Variants in RXRA observed in about 807,000 individuals in gnomAD.
RXRA encodes retinoid X receptor alpha, also known as retinoic acid receptor RXR-alpha.
Under a neutral mutation model 44.5 loss-of-function variants are expected in RXRA, and 5 were observed. The ratio of observed to expected loss-of-function variants is 0.11; its 90% CI spans 0.06 to 0.24. RXRA has a LOEUF of 0.24. RXRA is among the 10% of genes least tolerant of loss of function. The pLI is 1.00. For synonymous variants in RXRA, 291 were observed against 271.4 expected (o/e 1.07, Z -0.71); for missense variants, 412 against 646.5 (o/e 0.64, Z 3.93).
chr9:134,355,251 A>G (rs568823881), intron 1 of RXRA, among the ~76,000 whole-genome samples: 1 of 152,172 alleles, frequency 6.6e-6, no homozygotes, highest in African/African-American at 2.4e-5. Flanking sequence ...AGAAGTACCT[A>G]GTGTGCCTGG....
chr9:134,366,564 G>A lies in RXRA; in HGVS notation c.29-35068G>A, dbSNP rs1830417501. Among the ~76,000 whole-genome samples, 1 of 152,166 alleles carries A rather than the reference G, an allele frequency of 6.6e-6. No individual in the cohort carries two copies. Among genetic ancestry groups the A allele is most frequent in the Non-Finnish European group, 1.5e-5 (1 of 68,024 alleles). On this transcript the variant is annotated intron_variant, in intron 1 of 9. Transcript: ENST00000481739. The surrounding 1 kb of genome is among the most constrained non-coding windows in gnomAD (Gnocchi z 5.9). ...TCCAGGTCCCCCGGGTGCTGGCCTG[G>A]GGACAGCACCACAGGGCCCAGCCAG...
chr9:134,423,539 C>T, intron 6 of RXRA: 8 of 985,306 alleles, frequency 8.1e-6, no homozygotes, highest in Non-Finnish European at 9.6e-6. Context: ...CCGTCGCCAC[C>T]CTCCTGGAAG....
rs541658249 is a variant in RXRA at position 134,338,094 on chromosome 9, A to G, written c.28+11435A>G. Among the ~76,000 whole-genome samples the G allele has an allele frequency of 2.6e-5, 4 of 152,282 alleles. No homozygotes were observed. In the East Asian group the frequency reaches 7.7e-4, roughly 29 times the overall value. On this transcript the variant is annotated intron_variant, in intron 1 of 9. Transcript: ENST00000481739. Reference sequence around the variant, plus strand: ...GGCAGCCACAGACGACGTAGGGCTCAGGAAGGGCATGGAGGGAAACGCTGG... The same window carrying G: ...GGCAGCCACAGACGACGTAGGGCTCGGGAAGGGCATGGAGGGAAACGCTGG...
At chr9:134,361,028 C>T (rs573398093) in intron 1 of RXRA, among the ~76,000 whole-genome samples, 14 of 152,340 alleles carry the variant, frequency 9.2e-5, no homozygotes, top group African/African-American at 2.4e-4. Context: ...CCTCGGAGCC[C>T]GGATGTGGCG....
In RXRA at chr9:134,407,513, C is replaced by G. The variant is rs114041263; in HGVS notation, c.280-636C>G. On this transcript the variant is annotated intron_variant, in intron 2 of 9. Coordinates refer to ENST00000481739, the MANE Select transcript of RXRA (RefSeq NM_002957.6). The surrounding 1 kb of genome is among the most constrained non-coding windows in gnomAD (Gnocchi z 4.8). ...ACCGGGTGAGTTTCCCACGCTTGCC[C>G]GGGCGGCAGCGTGCGGGCCGGCGGG... 1.3e-5 allele frequency among the ~76,000 whole-genome samples: 2 copies of G among 152,172 alleles called. No individual in the cohort carries two copies. Among genetic ancestry groups the G allele is most frequent in the Non-Finnish European group, 2.9e-5 (2 of 68,028 alleles).
At chr9:134,419,003 C>T (rs1446706353) in intron 5 of RXRA, among the ~76,000 whole-genome samples, 3 of 152,238 alleles carry the variant, frequency 2.0e-5, no homozygotes, top group African/African-American at 7.2e-5. Flanking sequence ...CCCCCACGTC[C>T]CCGGCTCTGC....
At chr9:134,381,545 A>G (rs1011314488) in intron 1 of RXRA, among the ~76,000 whole-genome samples, 1 of 150,938 alleles carries the variant, frequency 6.6e-6, no homozygotes, top group Non-Finnish European at 1.5e-5. Flanking sequence ...GCTGGTGGAG[A>G]TGGTGGGGGC....
At chr9:134,333,453 G>A (rs1320360862) in intron 1 of RXRA, among the ~76,000 whole-genome samples, 1 of 152,168 alleles carries the variant, frequency 6.6e-6, no homozygotes, top group Non-Finnish European at 1.5e-5. Flanking sequence ...CAGGGCTGGG[G>A]GTGATGGGTG....
intron 2 of RXRA, chr9:134,405,232 G>A (rs1260777716): frequency 3.9e-5 from 6 of 152,318 alleles, no homozygotes; most frequent in African/African-American, 1.4e-4. Flanking sequence ...TCCCCATCCT[G>A]GCACAGCCTT....
At chr9:134,402,174 T>C in intron 2 of RXRA, 1 of 477,834 alleles carries the variant, frequency 2.1e-6, no homozygotes, top group East Asian at 3.7e-5. Context: ...CCTGTTCCCA[T>C]GACTGGGGGA....
At chr9:134,337,356 C>T (rs1830023823) in intron 1 of RXRA, among the ~76,000 whole-genome samples, 1 of 152,212 alleles carries the variant, frequency 6.6e-6, no homozygotes, top group Admixed American at 6.5e-5. Context: ...CAGGCTCCTC[C>T]TGGCCACTAG....
intron 1 of RXRA, among the ~76,000 whole-genome samples, chr9:134,385,916 C>A (rs556355532): frequency 9.2e-5 from 14 of 152,380 alleles, no homozygotes; most frequent in African/African-American, 3.4e-4. Context: ...TCTGCCCAGG[C>A]CCCTGCTGGG....
chr9:134,420,318 G>C (rs1466139003), intron 5 of RXRA, among the ~76,000 whole-genome samples: 1 of 152,250 alleles, frequency 6.6e-6, no homozygotes, highest in Non-Finnish European at 1.5e-5. Flanking sequence ...GCAGGCCTGG[G>C]GGGCGCTGTG....
chr9:134,385,553 T>A (rs1235456522), intron 1 of RXRA, among the ~76,000 whole-genome samples: 1 of 152,146 alleles, frequency 6.6e-6, no homozygotes, highest in Admixed American at 6.5e-5. Context: ...GGATCCGTAA[T>A]GCTGGCCTCT....
At chr9:134,371,370 G>T (rs1287366229) in intron 1 of RXRA, among the ~76,000 whole-genome samples, 1 of 152,240 alleles carries the variant, frequency 6.6e-6, no homozygotes, top group Non-Finnish European at 1.5e-5. Context: ...GGCCCCCCTG[G>T]TGTTCATTCA....
intron 6 of RXRA, chr9:134,423,143 GAC>G (rs1831376073): frequency 1.0e-6 from 1 of 985,372 alleles, no homozygotes; most frequent in Non-Finnish European, 1.2e-6. Flanking sequence ...GGGGCGTGCT[GAC>G]TGGGGCTGGT....
At chr9:134,334,248 T>C (rs3818740) in intron 1 of RXRA, among the ~76,000 whole-genome samples, 58,472 of 152,230 alleles carry the variant, frequency 0.38, 12,695 homozygotes, top group African/African-American at 0.59. Context: ...GAGGGCATCC[T>C]TGCAGCACCC....
intron 1 of RXRA, chr9:134,379,707 G>T (rs1400783759): frequency 1.0e-6 from 1 of 985,292 alleles, no homozygotes; most frequent in Non-Finnish European, 1.2e-6. Flanking sequence ...GAGAAAACCT[G>T]AGGCCCAGCC....
At chr9:134,352,112 G>T (rs192959890) in intron 1 of RXRA, among the ~76,000 whole-genome samples, 1 of 152,168 alleles carries the variant, frequency 6.6e-6, no homozygotes, top group Non-Finnish European at 1.5e-5. Context: ...AGGCAGAGTC[G>T]GGCTGGGGTG....
Sources: gnomAD v4.1 joint callset for allele counts (sites outside exome capture counted in the v4.1 genomes callset) on GRCh38, gnomAD v4.1.1 for gene constraint, Gnocchi (gnomAD v3.1) non-coding constraint, MANE v1.5 for transcripts, NCBI Gene and HGNC (gene_info 2026-07-23, HGNC 2026-07-21) for gene names.